CHLSN: variants seen among roughly 807,000 people sequenced by gnomAD.
The protein encoded by CHLSN is cholesin.
the CHLSN span, chr7:997,680 G>C: frequency 3.1e-6 from 5 of 1,610,334 alleles, no homozygotes; most frequent in Admixed American, 1.7e-5. Flanking sequence ...CGGCAGGGGG[G>C]GATCAGAGCC....
chr7:1,016,862 GCACACAGCAGCGCACAGCAGCA>G, the CHLSN span, among the ~76,000 whole-genome samples: 1 of 132,618 alleles, frequency 7.5e-6, no homozygotes, highest in Non-Finnish European at 1.5e-5. Flanking sequence ...GCAGCACACA[GCACACAGCAGCGCACAGCAGCA>G]CACACCAGCG....
At chr7:1,013,547 G>A in the CHLSN span, among the ~76,000 whole-genome samples, 2 of 152,230 alleles carry the variant, frequency 1.3e-5, no homozygotes, top group Admixed American at 6.5e-5. Flanking sequence ...TCTAGGCCCA[G>A]TGTCCACCCC....
At chr7:1,101,750 G>A in the CHLSN span, among the ~76,000 whole-genome samples, 3 of 152,192 alleles carry the variant, frequency 2.0e-5, no homozygotes, top group Non-Finnish European at 4.4e-5. Context: ...CACGCAGCCC[G>A]CAGCTCTCTG....
chr7:1,060,101 G>C, the CHLSN span, among the ~76,000 whole-genome samples: 4 of 151,780 alleles, frequency 2.6e-5, no homozygotes, highest in African/African-American at 7.3e-5. Context: ...AGCCTGGCTG[G>C]AGACCTTCCA....
the CHLSN span, among the ~76,000 whole-genome samples, chr7:1,046,990 C>G: frequency 6.6e-6 from 1 of 152,236 alleles, no homozygotes; most frequent in African/African-American, 2.4e-5. Flanking sequence ...GGTGCCAAGC[C>G]TGCCCAGAGT....
chr7:1,054,160 A>T, the CHLSN span, among the ~76,000 whole-genome samples: 1 of 152,210 alleles, frequency 6.6e-6, no homozygotes, highest in Non-Finnish European at 1.5e-5. Context: ...TTCCCTCCCA[A>T]GATCTCCAGG....
chr7:1,002,186 TG>T, the CHLSN span, among the ~76,000 whole-genome samples: 1 of 113,980 alleles, frequency 8.8e-6, no homozygotes, highest in Non-Finnish European at 1.8e-5. Context: ...TGGGGAGTCC[TG>T]TGGGTGGGGA....
chr7:1,047,216 C>T, the CHLSN span, among the ~76,000 whole-genome samples: 1 of 152,246 alleles, frequency 6.6e-6, no homozygotes, highest in African/African-American at 2.4e-5. Context: ...CCAGCCCGCT[C>T]ACTGGCCCAG....
the CHLSN span, chr7:1,023,115 C>T: frequency 2.5e-6 from 1 of 397,154 alleles, no homozygotes; most frequent in Admixed American, 3.2e-5. This position sits in a 1 kb window ranked among gnomAD's most constrained non-coding sequence, Gnocchi z 5.0. Context: ...TGGCACCTGC[C>T]TGTGGCCCCT....
chr7:1,067,972 T>A, the CHLSN span, among the ~76,000 whole-genome samples: 6 of 152,176 alleles, frequency 3.9e-5, no homozygotes, highest in Non-Finnish European at 7.4e-5. Context: ...GCTTCCCGCC[T>A]CTGGCAGAAT....
At chr7:1,111,295 C>T in the CHLSN span, among the ~76,000 whole-genome samples, 1 of 152,226 alleles carries the variant, frequency 6.6e-6, no homozygotes, top group Non-Finnish European at 1.5e-5. Flanking sequence ...CACACTGGAT[C>T]ACAACACCCA....
chr7:1,123,868 G>C, the CHLSN span, among the ~76,000 whole-genome samples: 42 of 151,770 alleles, frequency 2.8e-4, no homozygotes, highest in African/African-American at 9.7e-4. The surrounding 1 kb of genome is among the most constrained non-coding windows in gnomAD (Gnocchi z 4.4). Context: ...CTGGTGAACC[G>C]GGCTCCACCG....
the CHLSN span, among the ~76,000 whole-genome samples, chr7:985,691 G>A: frequency 2.0e-5 from 3 of 152,206 alleles, no homozygotes; most frequent in South Asian, 6.2e-4. Flanking sequence ...GCCCTTTACA[G>A]TGCCCCAAAA....
chr7:1,027,486 T>A, the CHLSN span, among the ~76,000 whole-genome samples: 1 of 152,278 alleles, frequency 6.6e-6, no homozygotes, highest in Non-Finnish European at 1.5e-5. Flanking sequence ...CCTCAGAAGA[T>A]AAAAGACCTA....
At chr7:1,043,604 G>A in the CHLSN span, 1 of 152,300 alleles carries the variant, frequency 6.6e-6, no homozygotes, top group Non-Finnish European at 1.5e-5. Flanking sequence ...GGGACCTGGT[G>A]CCGGGCTGGG....
At chr7:994,686 C>T in the CHLSN span, among the ~76,000 whole-genome samples, 22,538 of 152,114 alleles carry the variant, frequency 0.15, 2,027 homozygotes, top group Admixed American at 0.21. Context: ...GCGATCCTCC[C>T]GCCTCTGCCT....
chr7:1,015,198 TG>T, the CHLSN span, among the ~76,000 whole-genome samples: 6 of 151,264 alleles, frequency 4.0e-5, no homozygotes, highest in African/African-American at 1.5e-4. Flanking sequence ...CTAAATTGTT[TG>T]GGGGGGCTGA....
the CHLSN span, among the ~76,000 whole-genome samples, chr7:1,124,972 C>T: frequency 6.6e-6 from 1 of 152,166 alleles, no homozygotes; most frequent in Non-Finnish European, 1.5e-5. Context: ...GCTTGGGGTG[C>T]TGTCTGGCTT....
chr7:1,049,127 GCCT>G, the CHLSN span, among the ~76,000 whole-genome samples: 733 of 152,352 alleles, frequency 4.8e-3, 4 homozygotes, highest in Non-Finnish European at 5.3e-3. Context: ...CCTGGGGGCT[GCCT>G]CCTCCTCCAC....
Sources: gnomAD v4.1 joint callset for allele counts (sites outside exome capture counted in the v4.1 genomes callset) on GRCh38, gnomAD v4.1.1 for gene constraint, Gnocchi (gnomAD v3.1) non-coding constraint, MANE v1.5 for transcripts, NCBI Gene and HGNC (gene_info 2026-07-23, HGNC 2026-07-21) for gene names.